LTK: variants seen among roughly 807,000 people sequenced by gnomAD.
LTK encodes leukocyte receptor tyrosine kinase.
In LTK, 117 loss-of-function variants were observed where a neutral mutation model predicts 101.5. The ratio of observed to expected loss-of-function variants is 1.15; its 90% CI spans 0.99 to 1.34. LTK has a LOEUF of 1.34. Ranked by LOEUF, LTK falls within the 40% of genes most tolerant of loss-of-function variation. LTK has a pLI of 0.00. For missense variants in LTK, 1,252 were observed against 1,164.7 expected (o/e 1.07, Z -1.09); for synonymous variants, 563 against 494.2 (o/e 1.14, Z -1.85).
chr15:41,509,858 TA>T lies in LTK; in HGVS notation c.998-730del, dbSNP rs200245367. Among the ~76,000 whole-genome samples the T allele has an allele frequency of 3.2e-3, 481 of 149,888 alleles. 1 individual carries two copies. Among genetic ancestry groups the T allele is most frequent in the East Asian group, 5.5e-3 (28 of 5,104 alleles). On this transcript the variant is annotated intron_variant, in intron 7 of 19. Transcript: ENST00000263800. The stretch of plus-strand genomic sequence containing the variant: ...CTGGGCAACAGAGCCAGACTCCATC[TA>T]AAAAAAAAATTCATATATTTATTGT...
In LTK at chr15:41,504,200, G is replaced by A; in HGVS notation, c.2391C>T (p.Pro797=). ...LNSLLPMELG[P]TPEEEGTSGL... The stretch of plus-strand genomic sequence containing the variant: ...CAGAAGTCCCTTCCTCCTCTGGGGT[G>A]GGCCCCAGCTCCATTGGCAGGAGTG... The change falls in exon 20 of 20, where the codon CCC becomes CCT. Residue 797 remains proline (P), a synonymous_variant. Coordinates refer to ENST00000263800, the MANE Select transcript of LTK (RefSeq NM_002344.6). 1 of 1,612,734 alleles carries A rather than the reference G, an allele frequency of 6.2e-7. No homozygotes were observed.
At chr15:41,508,282 C>A in intron 8 of LTK, 61 bp from the exon 9 acceptor site, 1 of 1,471,412 alleles carries the variant, frequency 6.8e-7, no homozygotes, top group Non-Finnish European at 9.3e-7. Context: ...TAAATACATG[C>A]CTTTGGCTGG....
chr15:41,511,574 C>G lies in LTK; in HGVS notation c.662G>C (p.Arg221Pro), dbSNP rs756320474. 2.1e-6 allele frequency: 3 copies of G among 1,443,758 alleles called. No homozygotes were observed. The highest frequency in any genetic ancestry group is 2.7e-6 in the Non-Finnish European group (3 of 1,110,356). 89.4% of individuals were successfully genotyped at this position (1,443,758 alleles called of 1,614,324 possible). ...GGGATYVFRV[R>P]AGELEPLLVA... ...CAGCAACGGTTCCAGCTCGCCAGCG[C>G]GCACCTGTGGGGCCAGCGGCGTGTT... Residue 221 changes from arginine to proline, a missense_variant, in exon 6 of 20, where the codon CGC becomes CCC. Physicochemically the swap from Arg to Pro is moderately radical, Grantham distance 103. Coordinates refer to ENST00000263800, the MANE Select transcript of LTK (RefSeq NM_002344.6). The surrounding 1 kb of genome is among the most constrained non-coding windows in gnomAD (Gnocchi z 5.9).
In LTK at chr15:41,507,139, T is replaced by A. The variant is rs762666274; in HGVS notation, c.1497A>T (p.Pro499=). 5 of 1,613,550 alleles carry A rather than the reference T, an allele frequency of 3.1e-6. No individual in the cohort carries two copies. The highest frequency in any genetic ancestry group is 3.4e-6 in the Non-Finnish European group (4 of 1,179,888). ...CTGGGGAAACCTCGGTGACACCTGG[T>A]GGCAGAGGCCAGGACTGGGCCGGGC... ...GLGPAQSWPL[P]PGVTEVSPAN... Residue 499 remains proline, a synonymous_variant, in exon 11 of 20, where the codon CCA becomes CCT. Transcript: ENST00000263800.
In LTK at chr15:41,511,075, A is replaced by G. The variant is rs376686150; in HGVS notation, c.997+89T>C. 3.1e-6 allele frequency: 4 copies of G among 1,281,966 alleles called. No homozygotes were observed. Among genetic ancestry groups the G allele is most frequent in the East Asian group, 3.2e-5 (1 of 31,570 alleles). The allele number at this position is 1,281,966 out of a possible 1,614,324, so 79.4% of individuals were successfully genotyped here. A position where few individuals can be genotyped will look rare whatever the true frequency, so the allele number is the denominator to read the frequency against. On this transcript the variant is annotated intron_variant, in intron 7 of 19. Coordinates refer to ENST00000263800, the MANE Select transcript of LTK (RefSeq NM_002344.6). The surrounding 1 kb of genome is among the most constrained non-coding windows in gnomAD (Gnocchi z 5.9). Reference sequence around the variant, plus strand: ...AGGGCTTAATGCCTCTCCCACACCTATCCTCCCGAGGGCTCCGGCCTGTAC... The same window carrying G: ...AGGGCTTAATGCCTCTCCCACACCTGTCCTCCCGAGGGCTCCGGCCTGTAC...
In LTK at chr15:41,504,568, C is replaced by G; in HGVS notation, c.2193G>C (p.Glu731Asp). Residue 731 changes from glutamate to aspartate, a missense_variant, in exon 18 of 20, where the codon GAG (glutamate) becomes GAC (aspartate). Glu to Asp is a conservative substitution (Grantham distance 45). Coordinates refer to ENST00000263800, the MANE Select transcript of LTK (RefSeq NM_002344.6). ...YMPYPGRTNQ[E>D]VLDFVVGGGR... The stretch of plus-strand genomic sequence containing the variant: ...CTCCTCCAACGACGAAGTCCAGCAC[C>G]TCCTGGTTGGTGCGCCCAGGATAGG... 6.2e-7 allele frequency: 1 copy of G among 1,613,920 alleles called. No homozygotes were observed. Among genetic ancestry groups the G allele is most frequent in the African/African-American group, 1.3e-5 (1 of 75,064 alleles).
In LTK at chr15:41,503,871, G is replaced by T; in HGVS notation, c.*125C>A. Reference sequence around the variant, plus strand: ...CGCTGCCAGGCCAGCCCCGAGACAGGCCCAGACACACAGCACAGACTGCAG... The same window carrying T: ...CGCTGCCAGGCCAGCCCCGAGACAGTCCCAGACACACAGCACAGACTGCAG... On this transcript the variant is annotated 3_prime_UTR_variant, in exon 20 of 20. Transcript: ENST00000263800. 1.7e-6 allele frequency: 2 copies of T among 1,174,692 alleles called. No homozygotes were observed. The highest frequency in any genetic ancestry group is 1.6e-5 in the South Asian group (1 of 63,052). The allele number at this position is 1,174,692 out of a possible 1,614,324, so 72.8% of individuals were successfully genotyped here.
rs776872902 is a variant in LTK at position 41,505,377 on chromosome 15, G to GA, written c.1827+23_1827+24insT. On this transcript the variant is annotated intron_variant, in intron 14 of 19. Transcript: ENST00000263800. ...TGGACAGGGTCTTTAGAGGGGCCTG[G>GA]GGGGGCTAAGACAAGGGTCTCACCA... 3.1e-6 allele frequency: 5 copies of GA among 1,613,660 alleles called. No homozygotes were observed. The South Asian group carries it at 4.4e-5, about 14-fold the overall frequency.
In LTK at chr15:41,513,043, G is replaced by A. The variant is rs140343272; in HGVS notation, c.121C>T (p.Pro41Ser). ...GGGGCGCTGACTTTCGGGTCCCGGG[G>A]GCTGGGACTTGCCAGCGGCAGGGGC... ...SSPLPLASPSPRDPKVSAPPS... is the reference protein window; with the variant it reads ...SSPLPLASPSSRDPKVSAPPS... Residue 41 changes from proline to serine, a missense_variant, in exon 2 of 20, where the codon CCC (proline) becomes TCC (serine). Physicochemically the swap from Pro to Ser is moderately conservative, Grantham distance 74 (BLOSUM62 -1). Transcript: ENST00000263800. 144 of 1,612,522 alleles carry A rather than the reference G, an allele frequency of 8.9e-5. 2 individuals carry two copies. Among genetic ancestry groups the A allele is most frequent in the Admixed American group, 6.4e-4 (38 of 59,574 alleles).
Position 41,504,852 on chromosome 15 carries a change from C to G in LTK, c.2041G>C (p.Asp681His). The G allele has an allele frequency of 6.2e-7, 1 of 1,612,808 alleles. No individual in the cohort carries two copies. The highest frequency in any genetic ancestry group is 8.5e-7 in the Non-Finnish European group (1 of 1,179,558). Residue 681 changes from aspartate (D) to histidine (H), a missense_variant, in exon 17 of 20, where the codon GAC becomes CAC. Transcript: ENST00000263800. ...CACTTGACTGGGAGCAAGGCCCGGT[C>G]CCCCCTGCGGTAATAACTGGCCCTA... is the stretch of plus-strand genomic sequence containing the variant. ...IYRASYYRRG[D>H]RALLPVKWMP... is the part of the protein sequence containing the mutation.
At chr15:41,506,055 T>A in intron 11 of LTK, 50 bp from the exon 12 acceptor site, 1 of 1,260,998 alleles carries the variant, frequency 7.9e-7, no homozygotes, top group East Asian at 2.3e-5. Flanking sequence ...TGGAGAAGAG[T>A]CCTAGAGAGT....
Position 41,511,032 on chromosome 15 carries a change from T to C in LTK, c.997+132A>G, listed in dbSNP as rs1452250060. 2.6e-5 allele frequency: 31 copies of C among 1,214,302 alleles called. No individual in the cohort carries two copies. Among genetic ancestry groups the C allele is most frequent in the Non-Finnish European group, 3.0e-5 (29 of 962,612 alleles). 75.2% of individuals were successfully genotyped at this position (1,214,302 alleles called of 1,614,324 possible). On this transcript the variant is annotated intron_variant, in intron 7 of 19. Coordinates refer to ENST00000263800, the MANE Select transcript of LTK (RefSeq NM_002344.6). The surrounding 1 kb of genome is among the most constrained non-coding windows in gnomAD (Gnocchi z 5.9). ...TCCTTTTCTAAGAGCTCCTGCTTTT[T>C]GTTTGGAGCTGCTGAGCAGGGCTTA...
At chr15:41,508,293 G>A in intron 8 of LTK, 72 bp from the exon 9 acceptor site, 4 of 1,350,488 alleles carry the variant, frequency 3.0e-6, no homozygotes, top group Non-Finnish European at 4.1e-6. Context: ...CTTTGGCTGG[G>A]TACAGTGGCA....
rs148048753 is a variant in LTK, at chr15:41,505,032, C to T, written c.1958G>A (p.Cys653Tyr). 93 of 1,613,566 alleles carry T rather than the reference C, an allele frequency of 5.8e-5. No individual in the cohort carries two copies. Among genetic ancestry groups the T allele is most frequent in the Admixed American group, 1.5e-4 (9 of 59,930 alleles). Residue 653 changes from cysteine (C) to tyrosine (Y), a missense_variant, in exon 16 of 20, where the codon TGC (cysteine) becomes TAC (tyrosine). Transcript: ENST00000263800. ...DIAARNCLLS[C>Y]AGPSRVAKIG... ...CTTGGCCACTCGGCTGGGTCCAGCG[C>T]AGCTCAGCAGGCAGTTCCGGGCGGC...
At chr15:41,510,585 C>T (rs2140725209) in intron 7 of LTK, among the ~76,000 whole-genome samples, 1 of 152,150 alleles carries the variant, frequency 6.6e-6, no homozygotes, top group Non-Finnish European at 1.5e-5. Flanking sequence ...CCTCAGCCTC[C>T]AGAGTAGCTG....
chr15:41,504,154 C>G lies in LTK; in HGVS notation c.2437G>C (p.Glu813Gln), dbSNP rs148281714. 9.9e-6 allele frequency: 16 copies of G among 1,613,866 alleles called. No individual in the cohort carries two copies. The East Asian group carries it at 3.3e-4, about 34-fold the overall frequency. ...TGGGGCTGTGGGGGTCTTAGGCACT[C>G]CAAAGATCTGTTCCCCAGCCCAGAA... ...GTSGLGNRSL[E>Q]CLRPPQPQEL... The change falls in exon 20 of 20, where the codon GAG (glutamate) becomes CAG (glutamine). Residue 813 changes from glutamate to glutamine, a missense_variant. By Grantham distance (29) the Glu-to-Gln change is conservative (BLOSUM62 2). Transcript: ENST00000263800.
intron 1 of LTK, 126 bp from the exon 2 acceptor site, chr15:41,513,246 C>T (rs1322037049): frequency 3.3e-6 from 4 of 1,195,242 alleles, no homozygotes; most frequent in Non-Finnish European, 4.5e-6. Flanking sequence ...CCCAGCCGCG[C>T]TCTCAGCCTG....
rs755002227 is a variant in LTK at position 41,511,594 on chromosome 15, C to T, written c.658-16G>A. 16 of 1,434,022 alleles carry T rather than the reference C, an allele frequency of 1.1e-5. No individual in the cohort carries two copies. The highest frequency in any genetic ancestry group is 3.6e-6 in the Non-Finnish European group (4 of 1,105,558). The allele number at this position is 1,434,022 out of a possible 1,614,324, so 88.8% of individuals were successfully genotyped here. On this transcript the variant is annotated splice_polypyrimidine_tract_variant and intron_variant, in intron 5 of 19. Transcript: ENST00000263800. The surrounding 1 kb of genome is among the most constrained non-coding windows in gnomAD (Gnocchi z 5.9). ...CAGCGCGCACCTGTGGGGCCAGCGGCGTGTTCCAGGAAGCGCCCTCCAGCT... is the reference window on the plus strand; with the variant it reads ...CAGCGCGCACCTGTGGGGCCAGCGGTGTGTTCCAGGAAGCGCCCTCCAGCT...
chr15:41,512,908 C>T (rs1334482654), intron 2 of LTK, 30 bp from the exon 3 acceptor site: 2 of 1,607,182 alleles, frequency 1.2e-6, no homozygotes, highest in South Asian at 2.2e-5. Flanking sequence ...CAAGGGTCGT[C>T]GAGCCCCTGG....
Sources: gnomAD v4.1 joint callset for allele counts (sites outside exome capture counted in the v4.1 genomes callset) on GRCh38, gnomAD v4.1.1 for gene constraint, Gnocchi (gnomAD v3.1) non-coding constraint, MANE v1.5 for transcripts, NCBI Gene and HGNC (gene_info 2026-07-23, HGNC 2026-07-21) for gene names.